COL18A1: variants seen among roughly 807,000 people sequenced by gnomAD.
COL18A1 encodes collagen alpha-1(XVIII) chain.
A neutral mutation model predicts 168.0 loss-of-function variants in COL18A1; 133 were observed. The ratio of observed to expected loss-of-function variants is 0.79; its 90% CI spans 0.69 to 0.91. COL18A1 has a LOEUF of 0.91. Ranked by LOEUF, COL18A1 falls within the 40% of genes least tolerant of loss-of-function variation. COL18A1 has a pLI of 0.00. For synonymous variants in COL18A1, 949 were observed against 809.0 expected, an observed-to-expected ratio of 1.17 and a Z score of -2.94; for missense variants, 2,126 against 1,925.4, an observed-to-expected ratio of 1.10 and a Z score of -1.95.
chr21:45,504,503 G>A lies in COL18A1; in HGVS notation c.2815G>A (p.Gly939Ser), dbSNP rs753363173. 152 of 1,388,924 alleles carry A rather than the reference G, an allele frequency of 1.1e-4. 1 individual carries two copies. Among genetic ancestry groups the A allele is most frequent in the Admixed American group, 6.7e-4 (27 of 40,276 alleles). 86.0% of individuals were successfully genotyped at this position (1,388,924 alleles called of 1,614,324 possible). Residue 939 changes from glycine (G) to serine (S), a missense_variant, in exon 34 of 42, where the codon GGC (glycine) becomes AGC (serine). Transcript: ENST00000651438. Reference sequence around the variant, plus strand: ...CGGTTTCTTCGGCTCCAGCCTGCCCGGCCCCCCCGGCCCCCCAGGCCCCCC... The same window carrying A: ...CGGTTTCTTCGGCTCCAGCCTGCCCAGCCCCCCCGGCCCCCCAGGCCCCCC... ...GGGFFGSSLP[G>S]PPGPPGPPGP...
At chr21:45,453,033 G>C (rs1043653955) in intron 2 of COL18A1, among the ~76,000 whole-genome samples, 2 of 151,594 alleles carry the variant, frequency 1.3e-5, no homozygotes, top group African/African-American at 4.8e-5. Context: ...GAGTATTCAT[G>C]TGTGACATGT....
intron 15 of COL18A1, among the ~76,000 whole-genome samples, chr21:45,484,126 C>T (rs1474186052): frequency 2.4e-5 from 3 of 127,088 alleles, no homozygotes; most frequent in Non-Finnish European, 4.8e-5. Context: ...GCACACACAC[C>T]TCTCCAGCGT....
At chr21:45,438,393 C>T (rs2034276907) in intron 2 of COL18A1, among the ~76,000 whole-genome samples, 3 of 151,998 alleles carry the variant, frequency 2.0e-5, no homozygotes, top group Admixed American at 2.0e-4. Context: ...CTCACACACT[C>T]AGACCCTCAC....
chr21:45,452,038 A>T (rs998649620), intron 2 of COL18A1, among the ~76,000 whole-genome samples: 1 of 152,234 alleles, frequency 6.6e-6, no homozygotes, highest in Non-Finnish European at 1.5e-5. Context: ...CCGCAGGGAA[A>T]CTGCCAACTG....
At chr21:45,487,159 C>T (rs989608233) in intron 16 of COL18A1, among the ~76,000 whole-genome samples, 167 bp downstream of exon 16, 4 of 152,350 alleles carry the variant, frequency 2.6e-5, no homozygotes, top group African/African-American at 9.6e-5. Flanking sequence ...TCGAGTCTCT[C>T]GCCCGTCGCC....
chr21:45,497,195 C>A, intron 31 of COL18A1, 103 bp downstream of exon 31: 1 of 821,542 alleles, frequency 1.2e-6, no homozygotes, highest in Non-Finnish European at 2.1e-6. Flanking sequence ...CCCCAGTGGC[C>A]CAAGGCCAGT....
chr21:45,487,173 G>A (rs762117051), intron 16 of COL18A1, among the ~76,000 whole-genome samples, 181 bp downstream of exon 16: 9 of 152,210 alleles, frequency 5.9e-5, no homozygotes, highest in Non-Finnish European at 1.2e-4. Flanking sequence ...CGTCGCCCGT[G>A]CCCCACGGTG....
chr21:45,464,762 A>G (rs2035146265), intron 2 of COL18A1, among the ~76,000 whole-genome samples: 3 of 152,062 alleles, frequency 2.0e-5, no homozygotes, highest in South Asian at 2.1e-4. Context: ...ACAAGTCCTC[A>G]TGGTGCCATC....
chr21:45,488,336 C>T (rs910423368), intron 17 of COL18A1, 82 bp from the exon 18 acceptor site: 3 of 1,581,336 alleles, frequency 1.9e-6, no homozygotes, highest in African/African-American at 1.3e-5. Flanking sequence ...TTGACTGTTA[C>T]TAGCGGGCTT....
chr21:45,440,372 G>A (rs2034335293), intron 2 of COL18A1, among the ~76,000 whole-genome samples: 1 of 152,226 alleles, frequency 6.6e-6, no homozygotes, highest in African/African-American at 2.4e-5. Context: ...CTTCAGGCCT[G>A]CCAGGGGTCC....
chr21:45,499,767 A>G (rs991275384), intron 32 of COL18A1, among the ~76,000 whole-genome samples: 3 of 152,206 alleles, frequency 2.0e-5, no homozygotes, highest in African/African-American at 7.2e-5. Context: ...ACTGGTGGAG[A>G]GGCAGGAGGG....
chr21:45,479,604 C>T (rs1035335987), intron 9 of COL18A1, among the ~76,000 whole-genome samples: 3 of 144,352 alleles, frequency 2.1e-5, no homozygotes, highest in Non-Finnish European at 3.1e-5. Flanking sequence ...ATGCATACCA[C>T]ACACACACAC....
rs536339475 is a variant in COL18A1 at position 45,429,153 on chromosome 21, G to T, written c.106+23680G>T. ...TCCGACCTTGTGATCTGCCCGCCTC[G>T]GCCTCCCAAATTGTTGGGATTACAG... On this transcript the variant is annotated intron_variant, in intron 2 of 41. Transcript: ENST00000651438. Among the ~76,000 whole-genome samples the T allele has an allele frequency of 1.7e-3, 259 of 152,120 alleles. 3 individuals are homozygous for T. The highest frequency in any genetic ancestry group is 4.9e-3 in the African/African-American group (202 of 41,492).
intron 2 of COL18A1, among the ~76,000 whole-genome samples, chr21:45,412,105 G>A (rs1356980871): frequency 6.6e-6 from 1 of 152,150 alleles, no homozygotes; most frequent in Non-Finnish European, 1.5e-5. Context: ...TGCCCTGCAG[G>A]TGCATTCTCT....
Position 45,509,235 on chromosome 21 carries a change from C to T in COL18A1, c.3250-121C>T, listed in dbSNP as rs2037427325. The stretch of plus-strand genomic sequence containing the variant: ...CAGGGCAGCCCCAGAGTCGGGGGCG[C>T]AGCTCCCTGCTTGCCAGTTCAGAGC... On this transcript the variant is annotated intron_variant, in intron 38 of 41. Coordinates refer to ENST00000651438, the MANE Select transcript of COL18A1 (RefSeq NM_001379500.1). The T allele has an allele frequency of 1.0e-5, 14 of 1,356,512 alleles. No homozygotes were observed. In the Admixed American group the frequency reaches 2.9e-4, roughly 28 times the overall value. 84.0% of individuals were successfully genotyped at this position (1,356,512 alleles called of 1,614,324 possible).
chr21:45,437,245 TAC>T (rs372338269), intron 2 of COL18A1, among the ~76,000 whole-genome samples: 14,111 of 50,926 alleles, frequency 0.28, 1,368 homozygotes, highest in Admixed American at 0.3. Flanking sequence ...CACTCTCCTG[TAC>T]ACACACACAC....
chr21:45,501,208 G>A (rs2036803011), intron 32 of COL18A1, among the ~76,000 whole-genome samples: 1 of 151,958 alleles, frequency 6.6e-6, no homozygotes, highest in Non-Finnish European at 1.5e-5. Context: ...GAGAAATTGA[G>A]TAATTCTACA....
chr21:45,494,872 G>A lies in COL18A1; in HGVS notation c.2390G>A (p.Gly797Glu). The part of the protein sequence containing the change: ...PGFRGPPGPY[G>E]RPGYKGEIGF... ...CCCTTCCTCTTGCAGGGTCCATACG[G>A]ACGGCCGGGGTACAAGGGAGAGATT... Residue 797 changes from glycine (G) to glutamate (E), a missense_variant, in exon 28 of 42, where the codon GGA becomes GAA. By Grantham distance (98) the Gly-to-Glu change is moderately conservative. Coordinates refer to ENST00000651438, the MANE Select transcript of COL18A1 (RefSeq NM_001379500.1). The A allele has an allele frequency of 6.2e-7, 1 of 1,610,174 alleles. No homozygotes were observed. The highest frequency in any genetic ancestry group is 8.5e-7 in the Non-Finnish European group (1 of 1,178,712).
chr21:45,456,434 G>A (rs549161026), intron 2 of COL18A1: 7 of 1,543,916 alleles, frequency 4.5e-6, no homozygotes, highest in South Asian at 2.4e-5. Context: ...CAGGGACAGC[G>A]GTGCTTGGGT....
Sources: gnomAD v4.1 joint callset for allele counts (sites outside exome capture counted in the v4.1 genomes callset) on GRCh38, gnomAD v4.1.1 for gene constraint, MANE v1.5 for transcripts, NCBI Gene and HGNC (gene_info 2026-07-23, HGNC 2026-07-21) for gene names.